The following ATP8A1 variants were observed in gnomAD, a reference collection of about 807,000 sequenced individuals.
ATP8A1 encodes ATPase phospholipid transporting 8A1, also known as phospholipid-transporting ATPase IA.
ATP8A1 carries 90 observed loss-of-function variants against 177.7 expected under a neutral mutation model. That is an observed-to-expected ratio of 0.51 (90% CI 0.43 to 0.60). The LOEUF is 0.60. Ranked by LOEUF, ATP8A1 falls within the 20% of genes least tolerant of loss-of-function variation. The probability of loss-of-function intolerance (pLI) is 0.00; values close to 1 mark genes in which losing one functional copy is unlikely to be tolerated. For synonymous variants in ATP8A1, 493 were observed against 485.9 expected (o/e 1.01, Z -0.19); for missense variants, 1,072 against 1,392.8 (o/e 0.77, Z 3.67).
chr4:42,413,711 ATTT>A (rs1005311812), intron 36 of ATP8A1, among the ~76,000 whole-genome samples: 2 of 151,944 alleles, frequency 1.3e-5, no homozygotes, highest in Non-Finnish European at 2.9e-5. Context: ...AATTTTGTGA[ATTT>A]TTTTTTCCCC....
intron 33 of ATP8A1, among the ~76,000 whole-genome samples, chr4:42,430,480 C>CTT (rs368443741): frequency 0.19 from 27,951 of 145,470 alleles, 2,875 homozygotes; most frequent in South Asian, 0.3. Flanking sequence ...TCGCTAGTGC[C>CTT]TTTTTTTTTT....
intron 3 of ATP8A1, chr4:42,625,302 G>T (rs1387499756): frequency 5.2e-6 from 1 of 190,638 alleles, no homozygotes; most frequent in Non-Finnish European, 1.1e-5. Context: ...TTAACTTCTT[G>T]CATTCTAAGG....
intron 1 of ATP8A1, among the ~76,000 whole-genome samples, chr4:42,647,896 T>A (rs1045917290): frequency 6.6e-6 from 1 of 152,170 alleles, no homozygotes; most frequent in African/African-American, 2.4e-5. Context: ...CCATTCTTGC[T>A]CAAAAAGTAG....
At chr4:42,513,390 G>C (rs1294839764) in intron 22 of ATP8A1, among the ~76,000 whole-genome samples, 1 of 152,042 alleles carries the variant, frequency 6.6e-6, no homozygotes, top group Non-Finnish European at 1.5e-5. Flanking sequence ...TCTTATGTGA[G>C]TACAAAGGAT....
chr4:42,651,770 G>A (rs1271305330), intron 1 of ATP8A1, among the ~76,000 whole-genome samples: 1 of 152,190 alleles, frequency 6.6e-6, no homozygotes, highest in African/African-American at 2.4e-5. Context: ...CAAACTCTCA[G>A]GACAGTGAAG....
At chr4:42,578,658 A>C (rs1732718029) in intron 11 of ATP8A1, among the ~76,000 whole-genome samples, 1 of 152,132 alleles carries the variant, frequency 6.6e-6, no homozygotes, top group Non-Finnish European at 1.5e-5. Flanking sequence ...TCCAAACACA[A>C]AGTTTAGAGA....
chr4:42,434,119 T>C (rs1017882515), intron 33 of ATP8A1, among the ~76,000 whole-genome samples: 4 of 152,166 alleles, frequency 2.6e-5, no homozygotes, highest in Non-Finnish European at 4.4e-5. Context: ...TTTATTTTAA[T>C]CTTCATTATT....
At chr4:42,537,927 C>A (rs1432397867) in intron 20 of ATP8A1, among the ~76,000 whole-genome samples, 2 of 152,148 alleles carry the variant, frequency 1.3e-5, no homozygotes, top group Non-Finnish European at 2.9e-5. Flanking sequence ...TTGTATGGAA[C>A]CACAAAAGAG....
intron 7 of ATP8A1, among the ~76,000 whole-genome samples, chr4:42,589,762 C>A (rs572993883): frequency 2.0e-5 from 3 of 152,102 alleles, no homozygotes; most frequent in Middle Eastern, 3.4e-3. Flanking sequence ...ATAAAACACA[C>A]CTGATAATAT....
At chr4:42,424,741 C>T (rs1200410454) in intron 33 of ATP8A1, among the ~76,000 whole-genome samples, 2 of 152,138 alleles carry the variant, frequency 1.3e-5, no homozygotes, top group Non-Finnish European at 2.9e-5. Flanking sequence ...CTAGGAACTG[C>T]TGTTTAAATT....
intron 18 of ATP8A1, 137 bp from the exon 19 acceptor site, chr4:42,549,199 C>T (rs1560446457): frequency 1.5e-6 from 1 of 655,776 alleles, no homozygotes; most frequent in Admixed American, 3.2e-5. Context: ...TGGAAGGGAG[C>T]TTACTAACTT....
intron 24 of ATP8A1, among the ~76,000 whole-genome samples, chr4:42,502,891 T>C (rs574083495): frequency 7.2e-4 from 110 of 152,362 alleles, no homozygotes; most frequent in African/African-American, 2.5e-3. Flanking sequence ...ATTATTTTGC[T>C]AACTATTTTA....
intron 25 of ATP8A1, among the ~76,000 whole-genome samples, chr4:42,466,555 T>C (rs1376977861): frequency 1.3e-5 from 2 of 152,222 alleles, no homozygotes; most frequent in African/African-American, 4.8e-5. Flanking sequence ...GTAAAGTCAA[T>C]TGGTCTCCTC....
At chr4:42,625,577 C>T in intron 3 of ATP8A1, 37 bp downstream of exon 3, 2 of 1,407,608 alleles carry the variant, frequency 1.4e-6, no homozygotes, top group Admixed American at 1.9e-5. Context: ...TTTATTAGTA[C>T]CTGAACATTT....
chr4:42,569,265 A>G lies in ATP8A1; in HGVS notation c.1296-60T>C, dbSNP rs1011373490. 3.0e-5 allele frequency: 40 copies of G among 1,347,302 alleles called. No homozygotes were observed. The East Asian group carries it at 9.4e-4, about 32-fold the overall frequency. The allele number at this position is 1,347,302 out of a possible 1,614,324, so 83.5% of individuals were successfully genotyped here. A position where few individuals can be genotyped will look rare whatever the true frequency, so the allele number is the denominator to read the frequency against. Reference sequence around the variant, plus strand: ...AAAAATAATCACAGAAAGGCTGGAAACATAAAACCACGAAGAAGGGAAGTA... The same window carrying G: ...AAAAATAATCACAGAAAGGCTGGAAGCATAAAACCACGAAGAAGGGAAGTA... On this transcript the variant is annotated intron_variant, in intron 14 of 36. Transcript: ENST00000381668.
chr4:42,629,166 T>C (rs1738449623), intron 1 of ATP8A1, among the ~76,000 whole-genome samples: 1 of 152,218 alleles, frequency 6.6e-6, no homozygotes. Context: ...CCATCCCTTA[T>C]GTGGGAATCA....
chr4:42,510,602 A>G (rs12651087), intron 22 of ATP8A1, among the ~76,000 whole-genome samples: 47,344 of 151,884 alleles, frequency 0.31, 8,706 homozygotes, highest in East Asian at 0.56. Context: ...TTTTTTTGCA[A>G]TATGTTTCCC....
intron 33 of ATP8A1, among the ~76,000 whole-genome samples, chr4:42,433,150 AAC>A (rs1715493946): frequency 6.6e-6 from 1 of 152,150 alleles, no homozygotes; most frequent in Non-Finnish European, 1.5e-5. Context: ...CTGCCTTGGT[AAC>A]ACCACACTTG....
intron 15 of ATP8A1, among the ~76,000 whole-genome samples, chr4:42,558,894 G>T (rs1461070180): frequency 6.6e-6 from 1 of 152,194 alleles, no homozygotes; most frequent in East Asian, 1.9e-4. Context: ...ATGGCAACAG[G>T]CCGGGTGCAG....
Sources: allele counts gnomAD v4.1 joint callset (sites outside exome capture counted in the v4.1 genomes callset), GRCh38; gene constraint gnomAD v4.1.1; transcripts MANE v1.5; gene names NCBI Gene and HGNC (gene_info 2026-07-23, HGNC 2026-07-21).